The following HELZ2 variants were observed in gnomAD, a reference collection of about 807,000 sequenced individuals.
HELZ2 encodes the protein 3'-5' exoribonuclease HELZ2.
In HELZ2, 143 loss-of-function variants were observed where a neutral mutation model predicts 208.8. That is an observed-to-expected ratio of 0.68 (90% CI 0.60 to 0.79). The LOEUF (loss-of-function observed/expected upper bound fraction) is 0.79, where lower values mean the gene tolerates loss of function less well. Ranked by LOEUF, HELZ2 falls within the 30% of genes least tolerant of loss-of-function variation. HELZ2 has a pLI of 0.00. For missense variants in HELZ2, 3,690 were observed against 3,794.5 expected (o/e 0.97, Z 0.72); for synonymous variants, 1,705 against 1,693.7 (o/e 1.01, Z -0.16).
At chr20:63,561,103 C>T in exon 14 of HELZ2, 1 of 1,612,394 alleles carries the variant, frequency 6.2e-7, no homozygotes. Context: ...GTGGGAACTG[C>T]ACCAGGGGGA....
At chr20:63,565,069 C>T in exon 8 of HELZ2, 1 of 1,563,802 alleles carries the variant, frequency 6.4e-7, no homozygotes, top group Non-Finnish European at 8.7e-7. Flanking sequence ...GCCTCTCAAG[C>T]CCCACACGCT....
chr20:63,572,327 G>T (rs750125276), exon 1 of HELZ2: 3 of 1,583,530 alleles, frequency 1.9e-6, no homozygotes, highest in Non-Finnish European at 2.6e-6. Context: ...AGGGGCAGGG[G>T]GTGTGAGCAG....
upstream of HELZ2, chr20:63,572,653 GCCGCCAAACT>G: frequency 2.2e-6 from 1 of 451,834 alleles, no homozygotes; most frequent in South Asian, 4.4e-5. Context: ...GCTCGAAGCG[GCCGCCAAACT>G]CCGTAAGGAT....
exon 6 of HELZ2, chr20:63,567,253 C>T (rs745498749): frequency 1.7e-5 from 27 of 1,608,588 alleles, no homozygotes; most frequent in Admixed American, 5.0e-5. Context: ...ACTGAACAGC[C>T]GGGGTGTGAC....
exon 8 of HELZ2, chr20:63,565,869 C>A: frequency 1.9e-6 from 3 of 1,597,840 alleles, no homozygotes; most frequent in Non-Finnish European, 2.5e-6. Context: ...TGCTCCTCGG[C>A]CAGGTCCCCT....
At chr20:63,569,950 T>C (rs1302281029) in intron 3 of HELZ2, among the ~76,000 whole-genome samples, 1 of 152,064 alleles carries the variant, frequency 6.6e-6, no homozygotes, top group Non-Finnish European at 1.5e-5. Context: ...TGAATCCTTG[T>C]TTTTGTTTTG....
exon 5 of HELZ2, chr20:63,568,521 C>T (rs770549271): frequency 7.0e-6 from 11 of 1,582,468 alleles, no homozygotes; most frequent in Admixed American, 3.7e-5. Flanking sequence ...ATGAGCGCCA[C>T]GGCCAGCTCC....
At chr20:63,573,975 G>C (rs2083035480), upstream of HELZ2, among the ~76,000 whole-genome samples, 1 of 152,140 alleles carries the variant, frequency 6.6e-6, no homozygotes, top group African/African-American at 2.4e-5. The surrounding 1 kb of genome is among the most constrained non-coding windows in gnomAD (Gnocchi z 4.9). Flanking sequence ...GCTGGGTCTT[G>C]CTGCGGAGGG....
exon 5 of HELZ2, chr20:63,568,707 G>A: frequency 6.2e-7 from 1 of 1,605,924 alleles, no homozygotes; most frequent in Non-Finnish European, 8.5e-7. Flanking sequence ...CGGGCCTCAG[G>A]CTGCAGCCCC....
exon 8 of HELZ2, chr20:63,565,365 C>T (rs375017645): frequency 2.5e-6 from 4 of 1,607,624 alleles, no homozygotes; most frequent in Admixed American, 1.7e-5. Flanking sequence ...TGGATGGGGC[C>T]CGAGGAGGCA....
chr20:63,565,309 C>T (rs1174218455), exon 8 of HELZ2: 1 of 1,606,336 alleles, frequency 6.2e-7, no homozygotes, highest in Non-Finnish European at 8.5e-7. Flanking sequence ...GCACCAGCAC[C>T]TCATCCCCGG....
intron 1 of HELZ2, chr20:63,571,320 G>A (rs2083013890): frequency 5.1e-6 from 1 of 197,892 alleles, no homozygotes; most frequent in African/African-American, 2.6e-5. Context: ...CCCGCTCCAA[G>A]CTCCTGGGAG....
intron 1 of HELZ2, chr20:63,571,085 T>C: frequency 2.0e-6 from 1 of 509,382 alleles, no homozygotes; most frequent in South Asian, 3.5e-5. Context: ...GCTTTAGCCC[T>C]CAGCAGGTGG....
At chr20:63,567,023 G>T (rs138788557) in exon 6 of HELZ2, 1 of 1,611,110 alleles carries the variant, frequency 6.2e-7, no homozygotes, top group Non-Finnish European at 8.5e-7. Context: ...AACATGAGCG[G>T]GTAGTGCCGG....
chr20:63,565,248 G>A, exon 8 of HELZ2: 1 of 1,607,442 alleles, frequency 6.2e-7, no homozygotes, highest in Non-Finnish European at 8.5e-7. Context: ...AGCACGCCCA[G>A]CACGCGGCCC....
exon 8 of HELZ2, chr20:63,564,871 G>T (rs563877636): frequency 9.9e-6 from 16 of 1,612,306 alleles, no homozygotes; most frequent in South Asian, 2.2e-5. Flanking sequence ...GCAGCACCTT[G>T]GTGATGGTGG....
chr20:63,567,580 C>T, exon 6 of HELZ2: 1 of 1,591,300 alleles, frequency 6.3e-7, no homozygotes, highest in Middle Eastern at 1.7e-4. Context: ...GGGGTGGCCG[C>T]CGCTGACGTG....
chr20:63,562,360 C>T, exon 9 of HELZ2: 1 of 1,592,010 alleles, frequency 6.3e-7, no homozygotes, highest in Non-Finnish European at 8.5e-7. Flanking sequence ...TCCTCTAGTC[C>T]ACGCACGGCT....
rs1255568111 is a variant in HELZ2, at chr20:63,565,819, TC to T, written c.3002del (p.Gly1001GlufsTer5). The T allele has an allele frequency of 6.3e-7, 1 of 1,599,066 alleles. No homozygotes were observed. Among genetic ancestry groups the T allele is most frequent in the Non-Finnish European group, 8.5e-7 (1 of 1,179,656 alleles). On this transcript the variant is annotated frameshift_variant, in exon 8 of 19. Coordinates refer to ENST00000467148, the Ensembl canonical transcript of HELZ2. LOFTEE classifies it high-confidence loss of function. Reference sequence around the variant, plus strand: ...GGGATGCTGGGCTCAGAGCCTCATCTCCCGGCTCTGCCTTCACCATGGCCGT... The same window carrying T: ...GGGATGCTGGGCTCAGAGCCTCATCTCCGGCTCTGCCTTCACCATGGCCGT...
Sources: gnomAD v4.1 joint callset for allele counts (sites outside exome capture counted in the v4.1 genomes callset) on GRCh38, gnomAD v4.1.1 for gene constraint, Gnocchi (gnomAD v3.1) non-coding constraint, MANE v1.5 for transcripts, NCBI Gene and HGNC (gene_info 2026-07-23, HGNC 2026-07-21) for gene names.